The following FAM135B variants were observed in gnomAD, a reference collection of about 807,000 sequenced individuals.
The protein encoded by FAM135B is family with sequence similarity 135 member B.
Under a neutral mutation model 127.7 loss-of-function variants are expected in FAM135B, and 43 were observed. The observed-to-expected ratio is 0.34, with a 90% CI of 0.26 to 0.43. The LOEUF (loss-of-function observed/expected upper bound fraction) is 0.43, where lower values mean the gene tolerates loss of function less well. Ranked by LOEUF, FAM135B falls within the 20% of genes least tolerant of loss-of-function variation. The probability of loss-of-function intolerance (pLI) is 1.00; values close to 1 mark genes in which losing one functional copy is unlikely to be tolerated. For synonymous variants in FAM135B, 670 were observed against 665.1 expected (o/e 1.01, Z -0.11); for missense variants, 1,558 against 1,725.6 (o/e 0.90, Z 1.72).
At chr8:138,322,987 C>T (rs1247426609) in intron 2 of FAM135B, among the ~76,000 whole-genome samples, 1 of 152,230 alleles carries the variant, frequency 6.6e-6, no homozygotes, top group Non-Finnish European at 1.5e-5. Context: ...AGTATGCACT[C>T]ATAGGTTGAC....
chr8:138,393,159 GC>G (rs1308944884), intron 1 of FAM135B, among the ~76,000 whole-genome samples: 1 of 152,100 alleles, frequency 6.6e-6, no homozygotes, highest in Non-Finnish European at 1.5e-5. Flanking sequence ...GGAAAGACCT[GC>G]CCCCATGAAT....
chr8:138,174,415 G>T (rs1814235693), intron 11 of FAM135B, among the ~76,000 whole-genome samples: 1 of 152,058 alleles, frequency 6.6e-6, no homozygotes, highest in Non-Finnish European at 1.5e-5. Context: ...TAACGCACAG[G>T]TGCCAGCCCT....
chr8:138,140,472 T>C (rs1312187726), intron 17 of FAM135B, among the ~76,000 whole-genome samples: 1 of 152,220 alleles, frequency 6.6e-6, no homozygotes, highest in East Asian at 1.9e-4. Flanking sequence ...CCAAACCATG[T>C]CACCTCCTCA....
chr8:138,463,637 C>T (rs1481472762), intron 1 of FAM135B, among the ~76,000 whole-genome samples: 1 of 152,102 alleles, frequency 6.6e-6, no homozygotes, highest in Non-Finnish European at 1.5e-5. Flanking sequence ...GTCCTGTAAC[C>T]AAATGGCAAC....
intron 1 of FAM135B, among the ~76,000 whole-genome samples, chr8:138,371,163 C>T (rs1481693235): frequency 6.6e-6 from 1 of 152,232 alleles, no homozygotes; most frequent in African/African-American, 2.4e-5. Context: ...CATTCCTTAA[C>T]TTCTCTGTCC....
intron 3 of FAM135B, among the ~76,000 whole-genome samples, chr8:138,309,523 C>T (rs1563883057): frequency 1.3e-5 from 2 of 152,214 alleles, no homozygotes; most frequent in Admixed American, 6.5e-5. Context: ...TATCCTATTG[C>T]TCTGAAACCA....
chr8:138,405,155 A>T (rs1178638927), intron 1 of FAM135B, among the ~76,000 whole-genome samples: 2 of 151,982 alleles, frequency 1.3e-5, no homozygotes, highest in African/African-American at 4.8e-5. Flanking sequence ...ATTAATCTCC[A>T]TCAGAGTGCT....
intron 9 of FAM135B, among the ~76,000 whole-genome samples, chr8:138,182,470 A>G (rs1815143153): frequency 6.6e-6 from 1 of 152,134 alleles, no homozygotes; most frequent in African/African-American, 2.4e-5. Flanking sequence ...GGTGCTAACC[A>G]AGCACCTTTG....
In FAM135B at chr8:138,392,640, C is replaced by A. The variant is rs146432548; in HGVS notation, c.-19-24638G>T. The stretch of plus-strand genomic sequence containing the variant: ...TTAGAATTAGACCTGAGTTTAAATC[C>A]TCTCCACCCTTGAGCTTTGTGACCT... On this transcript the variant is annotated intron_variant, in intron 1 of 19. Coordinates refer to ENST00000395297, the MANE Select transcript of FAM135B (RefSeq NM_015912.4). 2.5e-3 allele frequency among the ~76,000 whole-genome samples: 379 copies of A among 152,236 alleles called. 3 individuals carry two copies. The highest frequency in any genetic ancestry group is 8.8e-3 in the African/African-American group (366 of 41,554).
intron 3 of FAM135B, among the ~76,000 whole-genome samples, chr8:138,274,304 T>A (rs1823637122): frequency 6.6e-6 from 1 of 152,156 alleles, no homozygotes; most frequent in South Asian, 2.1e-4. Flanking sequence ...ACATCACATG[T>A]CAGTAGGTTC....
intron 7 of FAM135B, among the ~76,000 whole-genome samples, chr8:138,204,159 C>T (rs911712383): frequency 2.6e-5 from 4 of 152,222 alleles, no homozygotes; most frequent in African/African-American, 9.7e-5. Flanking sequence ...TGCCTTAATG[C>T]ATCACATTTC....
chr8:138,333,043 C>G (rs1828303575), intron 2 of FAM135B, among the ~76,000 whole-genome samples: 1 of 151,912 alleles, frequency 6.6e-6, no homozygotes, highest in African/African-American at 2.4e-5. Context: ...TCCAACCAAC[C>G]TTAAAATATT....
chr8:138,313,366 A>G (rs1357256129), intron 2 of FAM135B, among the ~76,000 whole-genome samples: 1 of 152,164 alleles, frequency 6.6e-6, no homozygotes, highest in Non-Finnish European at 1.5e-5. Context: ...TCCTGACCTC[A>G]GGCAATCCAC....
intron 7 of FAM135B, among the ~76,000 whole-genome samples, chr8:138,219,913 G>A (rs1818890239): frequency 6.6e-6 from 1 of 152,098 alleles, no homozygotes; most frequent in African/African-American, 2.4e-5. Context: ...GCTAATGAAA[G>A]GCTGACCTCC....
chr8:138,333,301 T>C (rs983422275), intron 2 of FAM135B, among the ~76,000 whole-genome samples: 22 of 152,136 alleles, frequency 1.4e-4, no homozygotes, highest in Non-Finnish European at 2.8e-4. Context: ...GTCTCTGAGG[T>C]TGGGTCTTTC....
rs1282638327 is a variant in FAM135B at position 138,132,715 on chromosome 8, A to G, written c.4099T>C (p.Phe1367Leu). 1.9e-6 allele frequency: 3 copies of G among 1,614,194 alleles called. No homozygotes were observed. The South Asian group carries it at 3.3e-5, about 18-fold the overall frequency. ...TTGGCAGTGTTGGGCAGGGCGTGGA[A>G]CACGTTGTGTCGGATTAAAGTGCAG... ...KDCTLIRHNV[F>L]HALPNTANTL... is the part of the protein sequence containing the mutation. The change falls in exon 20 of 20, where the codon TTC becomes CTC. Residue 1367 changes from phenylalanine (F) to leucine (L), a missense_variant. Coordinates refer to ENST00000395297, the MANE Select transcript of FAM135B (RefSeq NM_015912.4). The surrounding 1 kb of genome is among the most constrained non-coding windows in gnomAD (Gnocchi z 4.5).
chr8:138,406,808 G>C (rs1366030360), intron 1 of FAM135B, among the ~76,000 whole-genome samples: 1 of 150,530 alleles, frequency 6.6e-6, no homozygotes, highest in Non-Finnish European at 1.5e-5. Context: ...AAATCATACT[G>C]AATGGGCAAA....
intron 2 of FAM135B, among the ~76,000 whole-genome samples, chr8:138,355,524 T>G (rs1019594525): frequency 2.6e-5 from 4 of 152,182 alleles, no homozygotes; most frequent in Non-Finnish European, 4.4e-5. Flanking sequence ...CCATGATCAC[T>G]TCTGAGGACT....
intron 3 of FAM135B, among the ~76,000 whole-genome samples, chr8:138,266,856 A>G (rs1460909062): frequency 6.7e-6 from 1 of 149,772 alleles, no homozygotes; most frequent in Non-Finnish European, 1.5e-5. Context: ...AAATAATACT[A>G]ATATTTGTAT....
Sources: gnomAD v4.1 joint callset for allele counts (sites outside exome capture counted in the v4.1 genomes callset) on GRCh38, gnomAD v4.1.1 for gene constraint, Gnocchi (gnomAD v3.1) non-coding constraint, MANE v1.5 for transcripts, NCBI Gene and HGNC (gene_info 2026-07-23, HGNC 2026-07-21) for gene names.